Variants in CLASP1 observed in about 807,000 individuals in gnomAD.
CLASP1 encodes CLIP-associating protein 1.
CLASP1 carries 38 observed loss-of-function variants against 192.3 expected under a neutral mutation model. That is an observed-to-expected ratio of 0.20 (90% CI 0.15 to 0.26). CLASP1 has a LOEUF of 0.26. Ranked by LOEUF, CLASP1 falls within the 10% of genes least tolerant of loss-of-function variation. The pLI is 1.00. For synonymous variants in CLASP1, 691 were observed against 712.8 expected (o/e 0.97, Z 0.49); for missense variants, 1,433 against 1,932.5 (o/e 0.74, Z 4.85).
chr2:121,513,956 T>C (rs958014221), intron 7 of CLASP1, among the ~76,000 whole-genome samples: 2 of 152,236 alleles, frequency 1.3e-5, no homozygotes, highest in Non-Finnish European at 2.9e-5. Context: ...GCTGTGCAGT[T>C]TGACACAGTG....
chr2:121,630,422 ACACG>A lies in CLASP1; in HGVS notation c.-286+18946_-286+18949del, dbSNP rs758091581. Among the ~76,000 whole-genome samples the A allele has an allele frequency of 6.4e-5, 9 of 140,946 alleles. No homozygotes were observed. In the South Asian group the frequency reaches 9.3e-4, roughly 15 times the overall value. The allele number at this position is 140,946 out of a possible 152,430, so 92.5% of individuals were successfully genotyped here. ...CACACACACACACACACACACACAC[ACACG>A]CAGAAGCAATTATTCAGTAAATCTT... On this transcript the variant is annotated intron_variant, in intron 1 of 39. Transcript: ENST00000263710.
At chr2:121,360,783 A>T (rs1174908392) in intron 37 of CLASP1, among the ~76,000 whole-genome samples, 1 of 152,228 alleles carries the variant, frequency 6.6e-6, no homozygotes, top group Admixed American at 6.5e-5. Flanking sequence ...CAATGCAGGC[A>T]CCGTTCCCAA....
At chr2:121,481,387 C>T (rs766202717) in intron 8 of CLASP1, among the ~76,000 whole-genome samples, 6 of 152,082 alleles carry the variant, frequency 3.9e-5, no homozygotes, top group Non-Finnish European at 5.9e-5. Context: ...AGAACTGATT[C>T]CAAAGGTTAA....
At chr2:121,429,580 C>G (rs2081027063) in intron 20 of CLASP1, among the ~76,000 whole-genome samples, 1 of 152,212 alleles carries the variant, frequency 6.6e-6, no homozygotes. Context: ...ATCATGGAAG[C>G]AGCTAGGCAA....
intron 6 of CLASP1, among the ~76,000 whole-genome samples, chr2:121,516,569 C>T (rs564842430): frequency 1.3e-5 from 2 of 152,274 alleles, no homozygotes; most frequent in Admixed American, 1.3e-4. Flanking sequence ...GTGTGAGAGA[C>T]AGGGTAGACT....
chr2:121,595,356 G>A (rs1459516478), intron 2 of CLASP1, among the ~76,000 whole-genome samples: 1 of 152,200 alleles, frequency 6.6e-6, no homozygotes, highest in Non-Finnish European at 1.5e-5. Flanking sequence ...ACACTTAACA[G>A]TGTCTAGCAC....
chr2:121,624,389 T>C lies in CLASP1; in HGVS notation c.-285-18209A>G, dbSNP rs1379747745. Among the ~76,000 whole-genome samples the C allele has an allele frequency of 3.3e-5, 5 of 152,136 alleles. 1 individual carries two copies. Among genetic ancestry groups the C allele is most frequent in the African/African-American group, 4.8e-5 (2 of 41,446 alleles). ...TCAATAAACATTCATTGTTGAAAAATGAGTGGCAGGGGTTTTTTTCTTCTT... is the reference window on the plus strand; with the variant it reads ...TCAATAAACATTCATTGTTGAAAAACGAGTGGCAGGGGTTTTTTTCTTCTT... On this transcript the variant is annotated intron_variant, in intron 1 of 39. Coordinates refer to ENST00000263710, the Ensembl canonical transcript of CLASP1.
At chr2:121,599,312 G>C (rs561228620) in intron 2 of CLASP1, among the ~76,000 whole-genome samples, 1 of 150,270 alleles carries the variant, frequency 6.7e-6, no homozygotes, top group South Asian at 2.1e-4. Flanking sequence ...AAAAACAGCC[G>C]GGCACGGTGG....
At chr2:121,415,579 A>C (rs1450178970) in intron 23 of CLASP1, among the ~76,000 whole-genome samples, 2 of 152,238 alleles carry the variant, frequency 1.3e-5, no homozygotes, top group Non-Finnish European at 2.9e-5. Flanking sequence ...ACTTGGTTCA[A>C]AACATTAACT....
chr2:121,448,677 A>G (rs1357760200), intron 17 of CLASP1, among the ~76,000 whole-genome samples: 1 of 152,204 alleles, frequency 6.6e-6, no homozygotes, highest in Non-Finnish European at 1.5e-5. Flanking sequence ...ACTGGTGTGT[A>G]TAGTTCACAC....
chr2:121,587,494 G>A (rs529855022), intron 2 of CLASP1, among the ~76,000 whole-genome samples: 30 of 152,266 alleles, frequency 2.0e-4, no homozygotes, highest in African/African-American at 7.0e-4. Flanking sequence ...TAACAGAAGA[G>A]CACAAACTGG....
intron 8 of CLASP1, among the ~76,000 whole-genome samples, chr2:121,486,920 A>G (rs927446350): frequency 6.6e-6 from 1 of 152,228 alleles, no homozygotes; most frequent in African/African-American, 2.4e-5. Flanking sequence ...ATCCTCTAAT[A>G]GCAATCTCAA....
chr2:121,528,829 T>C (rs1217908548), intron 3 of CLASP1, 49 bp from the exon 4 acceptor site: 11 of 1,394,540 alleles, frequency 7.9e-6, no homozygotes, highest in Non-Finnish European at 1.1e-5. Flanking sequence ...TTTGGGGGTC[T>C]GTGGTCACCA....
intron 2 of CLASP1, among the ~76,000 whole-genome samples, chr2:121,565,462 G>A (rs1226191275): frequency 1.3e-5 from 2 of 152,196 alleles, no homozygotes; most frequent in Non-Finnish European, 2.9e-5. Context: ...CATAAAAGGA[G>A]ATGCACTTTT....
chr2:121,524,754 C>T (rs570287819), intron 6 of CLASP1, among the ~76,000 whole-genome samples: 10 of 152,170 alleles, frequency 6.6e-5, no homozygotes, highest in South Asian at 4.2e-4. Context: ...ACCACGTGCC[C>T]GGCCTAATGC....
chr2:121,530,887 C>T lies in CLASP1; in HGVS notation c.196-562G>A, dbSNP rs370715569. ...CCAGGGACTTTCTATTATAACCATC[C>T]TTTTCTTGGGGTTGCGCTACTGTCC... On this transcript the variant is annotated intron_variant, in intron 2 of 39. Transcript: ENST00000263710. The T allele has an allele frequency of 4.3e-4, 295 of 692,974 alleles. No homozygotes were observed. Among genetic ancestry groups the T allele is most frequent in the Non-Finnish European group, 5.4e-4 (204 of 378,940 alleles). The allele number at this position is 692,974 out of a possible 1,614,324, so 42.9% of individuals were successfully genotyped here. A position where few individuals can be genotyped will look rare whatever the true frequency, so the allele number is the denominator to read the frequency against.
chr2:121,553,820 T>C (rs2058264749), intron 2 of CLASP1, among the ~76,000 whole-genome samples: 1 of 152,234 alleles, frequency 6.6e-6, no homozygotes, highest in African/African-American at 2.4e-5. Flanking sequence ...TCATAATTCA[T>C]ATAGCAGTAT....
At chr2:121,476,412 T>G (rs1292661966) in intron 8 of CLASP1, among the ~76,000 whole-genome samples, 2 of 152,168 alleles carry the variant, frequency 1.3e-5, no homozygotes, top group Non-Finnish European at 2.9e-5. Flanking sequence ...AGTTTGGCTA[T>G]GAGGGGCAGA....
intron 1 of CLASP1, among the ~76,000 whole-genome samples, chr2:121,615,029 G>A (rs1433683245): frequency 6.6e-6 from 1 of 152,204 alleles, no homozygotes; most frequent in Non-Finnish European, 1.5e-5. Flanking sequence ...GTTAAAATGT[G>A]GCTAGGATGT....
Sources: gnomAD v4.1 joint callset for allele counts (sites outside exome capture counted in the v4.1 genomes callset) on GRCh38, gnomAD v4.1.1 for gene constraint, MANE v1.5 for transcripts, NCBI Gene and HGNC (gene_info 2026-07-23, HGNC 2026-07-21) for gene names.